ANO2: variants seen among roughly 807,000 people sequenced by gnomAD.
The protein encoded by ANO2 is anoctamin 2.
Under a neutral mutation model 124.2 loss-of-function variants are expected in ANO2, and 101 were observed. The observed-to-expected ratio is 0.81, with a 90% CI of 0.69 to 0.96. The LOEUF is 0.96. ANO2 is among the 40% of genes least tolerant of loss of function. ANO2 has a pLI of 0.00. For synonymous variants in ANO2, 486 were observed against 482.5 expected (o/e 1.01, Z -0.09); for missense variants, 1,293 against 1,274.5 (o/e 1.01, Z -0.22).
At chr12:5,888,067 T>C (rs1237388416) in intron 3 of ANO2, among the ~76,000 whole-genome samples, 1 of 152,172 alleles carries the variant, frequency 6.6e-6, no homozygotes, top group African/African-American at 2.4e-5. Context: ...CAGTGAGTGT[T>C]ACAGTTCTTA....
intron 11 of ANO2, among the ~76,000 whole-genome samples, chr12:5,747,763 T>C (rs1028873213): frequency 6.6e-6 from 1 of 152,252 alleles, no homozygotes; most frequent in Non-Finnish European, 1.5e-5. Context: ...TATTGCATTC[T>C]AGCTTATCTT....
At chr12:5,812,938 A>G (rs1953475483) in intron 7 of ANO2, among the ~76,000 whole-genome samples, 2 of 141,712 alleles carry the variant, frequency 1.4e-5, no homozygotes, top group African/African-American at 5.2e-5. Context: ...GAAAGAGAGG[A>G]AGGAAGGAAG....
At chr12:5,916,491 TTAA>T (rs1338779672) in intron 3 of ANO2, among the ~76,000 whole-genome samples, 4 of 98,124 alleles carry the variant, frequency 4.1e-5, no homozygotes, top group East Asian at 2.5e-4. Context: ...TCGCAGCAGG[TTAA>T]AAAAAAAAAA....
At chr12:5,596,501 T>C (rs554564969) in intron 20 of ANO2, among the ~76,000 whole-genome samples, 1 of 152,282 alleles carries the variant, frequency 6.6e-6, no homozygotes, top group East Asian at 1.9e-4. Flanking sequence ...AGGTATAAGA[T>C]TGTTTTATTC....
intron 4 of ANO2, chr12:5,851,959 C>T: frequency 1.3e-6 from 1 of 741,436 alleles, no homozygotes. Context: ...TTGCTCACCT[C>T]CTTTCCAAGG....
At chr12:5,842,190 A>G (rs2137234992) in intron 4 of ANO2, among the ~76,000 whole-genome samples, 1 of 152,160 alleles carries the variant, frequency 6.6e-6, no homozygotes. Context: ...TTGCCTCCCA[A>G]TTTATAACTA....
chr12:5,932,620 A>G (rs11063925), intron 1 of ANO2, among the ~76,000 whole-genome samples: 283 of 110,640 alleles, frequency 2.6e-3, no homozygotes, highest in African/African-American at 3.5e-3. Flanking sequence ...AGGAAAGAAG[A>G]TAGACTAGTA....
In ANO2 at chr12:5,764,483, T is replaced by C. The variant is rs530685110; in HGVS notation, c.1056-13513A>G. On this transcript the variant is annotated intron_variant, in intron 10 of 24. Transcript: ENST00000682330. The stretch of plus-strand genomic sequence containing the variant: ...ATTCACTAACCCAAGGTTGCACAGC[T>C]GGTAAGATGCAGAGACGAGATTCAA... 4.6e-5 allele frequency among the ~76,000 whole-genome samples: 7 copies of C among 152,278 alleles called. No individual in the cohort carries two copies. The South Asian group carries it at 1.5e-3, about 32-fold the overall frequency.
chr12:5,628,258 C>T (rs1017383440), intron 16 of ANO2, among the ~76,000 whole-genome samples: 1 of 152,216 alleles, frequency 6.6e-6, no homozygotes, highest in East Asian at 1.9e-4. Context: ...GCTTGCCTCC[C>T]TGCTGTCCTC....
At chr12:5,772,180 A>G (rs1952102782) in intron 10 of ANO2, among the ~76,000 whole-genome samples, 1 of 152,226 alleles carries the variant, frequency 6.6e-6, no homozygotes, top group Non-Finnish European at 1.5e-5. Flanking sequence ...GAAAGAAATC[A>G]ATAAATTTTT....
At chr12:5,799,416 G>T in intron 10 of ANO2, 91 bp downstream of exon 10, 1 of 1,105,754 alleles carries the variant, frequency 9.0e-7, no homozygotes, top group Non-Finnish European at 1.3e-6. Flanking sequence ...CTCCACTTGA[G>T]CAAAGGACTG....
chr12:5,669,176 G>C (rs191879928), intron 14 of ANO2, among the ~76,000 whole-genome samples: 3 of 152,290 alleles, frequency 2.0e-5, no homozygotes, highest in African/African-American at 7.2e-5. Context: ...CATGAGAATG[G>C]AATGTTTTTC....
At chr12:5,867,137 G>T (rs114721701) in intron 3 of ANO2, among the ~76,000 whole-genome samples, 2 of 152,146 alleles carry the variant, frequency 1.3e-5, no homozygotes, top group Non-Finnish European at 2.9e-5. Context: ...TCATAGCAGA[G>T]ATCTTACACA....
chr12:5,683,948 C>T (rs1948603595), intron 14 of ANO2, among the ~76,000 whole-genome samples: 1 of 152,178 alleles, frequency 6.6e-6, no homozygotes, highest in Non-Finnish European at 1.5e-5. Flanking sequence ...CTTGAGTCTA[C>T]TCCATTTGGG....
In ANO2 at chr12:5,732,442, A is replaced by C. The variant is rs1950679768; in HGVS notation, c.1545+78T>G. On this transcript the variant is annotated intron_variant, in intron 14 of 24. Transcript: ENST00000682330. ...CCCTTCTCAAGCCCAGTCTCCCTTC[A>C]CTAAGGCGTGCCAAACAAAATGACA... The C allele has an allele frequency of 3.2e-6, 4 of 1,267,474 alleles. No individual in the cohort carries two copies. The Admixed American group carries it at 8.4e-5, about 27-fold the overall frequency. The allele number at this position is 1,267,474 out of a possible 1,614,324, so 78.5% of individuals were successfully genotyped here.
chr12:5,834,207 T>C (rs1954245061), intron 4 of ANO2, among the ~76,000 whole-genome samples: 2 of 152,222 alleles, frequency 1.3e-5, no homozygotes. Flanking sequence ...GAAATGACTG[T>C]TGCTTTAGGC....
chr12:5,634,347 A>C (rs1945890658), intron 16 of ANO2, among the ~76,000 whole-genome samples: 1 of 152,200 alleles, frequency 6.6e-6, no homozygotes, highest in Non-Finnish European at 1.5e-5. Context: ...TAAAGGCATC[A>C]TACGTACTAT....
In ANO2 at chr12:5,647,815, G is replaced by A. The variant is rs924690539; in HGVS notation, c.1546-14C>T. 2.5e-6 allele frequency: 4 copies of A among 1,596,958 alleles called. No individual in the cohort carries two copies. The highest frequency in any genetic ancestry group is 3.4e-6 in the Non-Finnish European group (4 of 1,168,616). Reference sequence around the variant, plus strand: ...ATCTTCATCATCCTGGGGAGAAACGGGAGAGTAGAGACAATCAGGAGGCAC... The same window carrying A: ...ATCTTCATCATCCTGGGGAGAAACGAGAGAGTAGAGACAATCAGGAGGCAC... On this transcript the variant is annotated splice_polypyrimidine_tract_variant and intron_variant, in intron 14 of 24. Transcript: ENST00000682330.
chr12:5,848,964 C>T (rs929589665), intron 4 of ANO2, among the ~76,000 whole-genome samples: 2 of 152,206 alleles, frequency 1.3e-5, no homozygotes, highest in African/African-American at 4.8e-5. Context: ...ATTCAGAGAA[C>T]ATCATCACCT....
Sources: gnomAD v4.1 joint callset for allele counts (sites outside exome capture counted in the v4.1 genomes callset) on GRCh38, gnomAD v4.1.1 for gene constraint, MANE v1.5 for transcripts, NCBI Gene and HGNC (gene_info 2026-07-23, HGNC 2026-07-21) for gene names.